NCAM2: variants seen among roughly 807,000 people sequenced by gnomAD.
NCAM2 encodes the protein N-CAM-2.
In NCAM2, 30 loss-of-function variants were observed where a neutral mutation model predicts 98.1. That is an observed-to-expected ratio of 0.31 (90% CI 0.23 to 0.41). NCAM2 has a LOEUF of 0.41. NCAM2 is among the 10% of genes least tolerant of loss of function. The pLI is 1.00. For missense variants in NCAM2, 867 were observed against 1,005.8 expected (o/e 0.86, Z 1.87); for synonymous variants, 368 against 342.4 (o/e 1.07, Z -0.83).
chr21:21,454,634 T>C (rs1260048549), intron 12 of NCAM2, among the ~76,000 whole-genome samples: 1 of 152,016 alleles, frequency 6.6e-6, no homozygotes, highest in Non-Finnish European at 1.5e-5. Context: ...TATTTGTTGG[T>C]TTCAGTATTA....
chr21:21,200,828 C>T (rs985584745), intron 1 of NCAM2, among the ~76,000 whole-genome samples: 5 of 134,392 alleles, frequency 3.7e-5, no homozygotes, highest in Non-Finnish European at 7.7e-5. Flanking sequence ...TAAAATTAGT[C>T]TTATAAACTG....
At chr21:21,314,588 C>A (rs1272885193) in intron 5 of NCAM2, among the ~76,000 whole-genome samples, 2 of 152,102 alleles carry the variant, frequency 1.3e-5, no homozygotes, top group African/African-American at 4.8e-5. Flanking sequence ...TCGTCTTTCT[C>A]TTTTCCTTCT....
intron 1 of NCAM2, among the ~76,000 whole-genome samples, chr21:21,048,379 G>A (rs1293534149): frequency 4.0e-5 from 6 of 151,786 alleles, no homozygotes; most frequent in African/African-American, 1.5e-4. Context: ...TTGAGACGGA[G>A]TCTGGCTCTG....
At chr21:21,330,887 G>C (rs1439908480) in intron 6 of NCAM2, among the ~76,000 whole-genome samples, 1 of 151,960 alleles carries the variant, frequency 6.6e-6, no homozygotes, top group Admixed American at 6.6e-5. Context: ...ACGTCACTAT[G>C]TCTTCAAGTT....
At chr21:21,393,433 A>G (rs2076425197) in intron 9 of NCAM2, among the ~76,000 whole-genome samples, 1 of 152,030 alleles carries the variant, frequency 6.6e-6, no homozygotes, top group Admixed American at 6.5e-5. Context: ...CAATGCTAAA[A>G]CGGTTGTCCT....
chr21:21,534,485 A>G (rs1419699424), intron 16 of NCAM2, 52 bp from the exon 17 acceptor site: 1 of 1,394,928 alleles, frequency 7.2e-7, no homozygotes, highest in Non-Finnish European at 9.5e-7. Flanking sequence ...TTTTTCCATA[A>G]TGCATCCATT....
At chr21:21,296,045 A>G (rs2073467740) in intron 5 of NCAM2, among the ~76,000 whole-genome samples, 1 of 151,834 alleles carries the variant, frequency 6.6e-6, no homozygotes, top group African/African-American at 2.4e-5. Flanking sequence ...TTGTTTTCAT[A>G]TATTTATTCA....
intron 16 of NCAM2, among the ~76,000 whole-genome samples, chr21:21,516,638 G>A (rs996288557): frequency 3.3e-5 from 5 of 151,774 alleles, no homozygotes; most frequent in African/African-American, 1.2e-4. Flanking sequence ...TTTCTATTGA[G>A]AAAATCTAGA....
chr21:21,522,769 T>C (rs1440157633), intron 16 of NCAM2, among the ~76,000 whole-genome samples: 1 of 151,742 alleles, frequency 6.6e-6, no homozygotes, highest in Admixed American at 6.6e-5. Flanking sequence ...GTAACTGGGA[T>C]TACAGGCGTG....
chr21:21,131,628 A>C (rs1315404055), intron 1 of NCAM2, among the ~76,000 whole-genome samples: 6 of 152,324 alleles, frequency 3.9e-5, no homozygotes, highest in African/African-American at 9.6e-5. Flanking sequence ...AAAATTATGT[A>C]TTGACTTACA....
intron 15 of NCAM2, among the ~76,000 whole-genome samples, chr21:21,484,072 T>G (rs1346142092): frequency 2.0e-5 from 3 of 152,166 alleles, no homozygotes; most frequent in African/African-American, 4.8e-5. Flanking sequence ...AATAGCACAG[T>G]GAAATGACTG....
At chr21:21,354,894 T>G (rs1266474394) in intron 8 of NCAM2, among the ~76,000 whole-genome samples, 1 of 152,208 alleles carries the variant, frequency 6.6e-6, no homozygotes, top group African/African-American at 2.4e-5. Flanking sequence ...GGATAAGCTT[T>G]AAAAGCAATT....
At chr21:21,063,153 A>T (rs1316003473) in intron 1 of NCAM2, among the ~76,000 whole-genome samples, 1 of 151,538 alleles carries the variant, frequency 6.6e-6, no homozygotes, top group African/African-American at 2.4e-5. Context: ...ATATCTTTGA[A>T]TCAGTCCTAA....
At chr21:21,470,103 GACA>G (rs1310257937) in intron 14 of NCAM2, among the ~76,000 whole-genome samples, 1 of 152,030 alleles carries the variant, frequency 6.6e-6, no homozygotes, top group Non-Finnish European at 1.5e-5. Context: ...CTACTTGTGA[GACA>G]ACGTGTTGTA....
intron 1 of NCAM2, among the ~76,000 whole-genome samples, chr21:21,059,537 CT>C (rs1191636847): frequency 1.3e-5 from 2 of 152,038 alleles, no homozygotes; most frequent in African/African-American, 4.8e-5. Flanking sequence ...ACATAAGAAC[CT>C]TTTTATATTT....
intron 5 of NCAM2, among the ~76,000 whole-genome samples, chr21:21,311,873 C>A (rs939001769): frequency 1.3e-5 from 2 of 152,064 alleles, no homozygotes; most frequent in African/African-American, 4.8e-5. Flanking sequence ...GACTGTGTTA[C>A]ACTCAACAAT....
intron 6 of NCAM2, among the ~76,000 whole-genome samples, chr21:21,330,283 T>C (rs1355423151): frequency 6.6e-6 from 1 of 152,134 alleles, no homozygotes; most frequent in Non-Finnish European, 1.5e-5. Context: ...CATCTGTTTT[T>C]CCTCTCTAAA....
chr21:21,510,171 A>G (rs1336289923), intron 16 of NCAM2, among the ~76,000 whole-genome samples: 2 of 152,176 alleles, frequency 1.3e-5, no homozygotes, highest in Non-Finnish European at 2.9e-5. Context: ...CATTACATAC[A>G]GTCTAAAAGG....
At chr21:21,247,558 T>C (rs1033549650) in intron 1 of NCAM2, among the ~76,000 whole-genome samples, 2 of 152,194 alleles carry the variant, frequency 1.3e-5, no homozygotes, top group African/African-American at 4.8e-5. Context: ...CCCTATAATT[T>C]ATGCTGAATT....
Sources: gnomAD v4.1 joint callset for allele counts (sites outside exome capture counted in the v4.1 genomes callset) on GRCh38, gnomAD v4.1.1 for gene constraint, MANE v1.5 for transcripts, NCBI Gene and HGNC (gene_info 2026-07-23, HGNC 2026-07-21) for gene names.